PON2: variants seen among roughly 807,000 people sequenced by gnomAD.
PON2 encodes the protein serum paraoxonase/arylesterase 2.
Under a neutral mutation model 36.6 loss-of-function variants are expected in PON2, and 27 were observed. The observed-to-expected ratio is 0.74, with a 90% CI of 0.54 to 1.02. The LOEUF is 1.02. Ranked by LOEUF, PON2 falls within the 50% of genes least tolerant of loss-of-function variation. The pLI is 0.00. For synonymous variants in PON2, 149 were observed against 156.3 expected, an observed-to-expected ratio of 0.95 and a Z score of 0.35; for missense variants, 363 against 421.1, an observed-to-expected ratio of 0.86 and a Z score of 1.21.
chr7:95,406,943 A>G (rs1345982462), intron 7 of PON2, 44 bp downstream of exon 7: 2 of 1,195,368 alleles, frequency 1.7e-6, no homozygotes, highest in Admixed American at 3.8e-5. Flanking sequence ...TGTCATTGCA[A>G]AGCATAATAG....
intron 3 of PON2, chr7:95,412,980 A>G (rs1788971303): frequency 5.8e-6 from 1 of 173,330 alleles, no homozygotes; most frequent in Non-Finnish European, 1.2e-5. Context: ...AACACTTTTT[A>G]AATTACTACA....
intron 2 of PON2, among the ~76,000 whole-genome samples, chr7:95,421,940 A>G (rs1245134663): frequency 6.6e-6 from 1 of 152,224 alleles, no homozygotes; most frequent in Non-Finnish European, 1.5e-5. Flanking sequence ...GGTTACAACT[A>G]TGAGGTACTG....
intron 3 of PON2, among the ~76,000 whole-genome samples, chr7:95,415,500 T>C (rs1789040740): frequency 6.6e-6 from 1 of 152,144 alleles, no homozygotes; most frequent in Non-Finnish European, 1.5e-5. Context: ...AAGGGCAAGG[T>C]TGGTATAATA....
chr7:95,413,882 A>G (rs1788998222), intron 3 of PON2, among the ~76,000 whole-genome samples: 1 of 152,228 alleles, frequency 6.6e-6, no homozygotes, highest in African/African-American at 2.4e-5. Flanking sequence ...GAATTATGCT[A>G]TTGTTACATG....
chr7:95,431,485 T>C (rs145780022), intron 1 of PON2, among the ~76,000 whole-genome samples: 1,708 of 152,038 alleles, frequency 0.011, 31 homozygotes, highest in South Asian at 0.045. Context: ...AGTGGCTCAA[T>C]CTTGGCTCAC....
At chr7:95,417,075 A>G (rs1160151702) in intron 2 of PON2, among the ~76,000 whole-genome samples, 6 of 151,814 alleles carry the variant, frequency 4.0e-5, no homozygotes. Context: ...GAAAAGAAGA[A>G]TAAAAATGGC....
rs1789182385 is a variant in PON2, at chr7:95,421,094, T to C, written c.145+3421A>G. Among the ~76,000 whole-genome samples, 5 of 152,184 alleles carry C rather than the reference T, an allele frequency of 3.3e-5. No individual in the cohort carries two copies. The South Asian group carries it at 1.0e-3, about 32-fold the overall frequency. On this transcript the variant is annotated intron_variant, in intron 2 of 8. Coordinates refer to ENST00000222572, the MANE Select transcript of PON2 (RefSeq NM_000305.3). ...TGCCTTTTGAAGTGCCTCAGAGGCATTTAACACTTCACAAGAGGGGCCATA... is the reference window on the plus strand; with the variant it reads ...TGCCTTTTGAAGTGCCTCAGAGGCACTTAACACTTCACAAGAGGGGCCATA...
rs532969692 is a variant in PON2, at chr7:95,406,873, A to G, written c.777+114T>C. On this transcript the variant is annotated intron_variant, in intron 7 of 8. Coordinates refer to ENST00000222572, the MANE Select transcript of PON2 (RefSeq NM_000305.3). Reference sequence around the variant, plus strand: ...AGTTGTAGGGAGTATTTAAAAACCCAGAATAGCTACACTGGCATCCATATT... The same window carrying G: ...AGTTGTAGGGAGTATTTAAAAACCCGGAATAGCTACACTGGCATCCATATT... 7 of 658,532 alleles carry G rather than the reference A, an allele frequency of 1.1e-5. No homozygotes were observed. In the East Asian group the frequency reaches 1.9e-4, roughly 18 times the overall value. The allele number at this position is 658,532 out of a possible 1,614,324, so 40.8% of individuals were successfully genotyped here. A position where few individuals can be genotyped will look rare whatever the true frequency, so the allele number is the denominator to read the frequency against.
intron 1 of PON2, among the ~76,000 whole-genome samples, chr7:95,432,862 C>G (rs1193099668): frequency 6.6e-6 from 1 of 152,326 alleles, no homozygotes; most frequent in Non-Finnish European, 1.5e-5. Flanking sequence ...GAAACTACAA[C>G]CATGGGACAG....
chr7:95,417,726 C>CACACACACA (rs56020343), intron 2 of PON2, among the ~76,000 whole-genome samples: 1 of 148,396 alleles, frequency 6.7e-6, no homozygotes, highest in African/African-American at 2.5e-5. Context: ...CACACACACA[C>CACACACACA]CGAGAGAGAA....
chr7:95,416,202 A>T, intron 3 of PON2, 40 bp downstream of exon 3: 1 of 1,611,494 alleles, frequency 6.2e-7, no homozygotes, highest in African/African-American at 1.3e-5. Context: ...ATACCCTTGT[A>T]TCTCCTCTGC....
chr7:95,431,890 G>A (rs1038993822), intron 1 of PON2, among the ~76,000 whole-genome samples: 1 of 148,830 alleles, frequency 6.7e-6, no homozygotes, highest in Non-Finnish European at 1.5e-5. Context: ...TAAAAGTATG[G>A]TATAAGTATT....
chr7:95,407,045 AAT>A lies in PON2; in HGVS notation c.717_718del (p.Leu240GlyfsTer3). On this transcript the variant is annotated frameshift_variant, in exon 7 of 9. Transcript: ENST00000222572. LOFTEE classifies it high-confidence loss of function. Reference sequence around the variant, plus strand: ...TTCCAAAACATGAATTTCATGAGCCAATATGTCAGCAACATAGATATACCTTT... The same window carrying A: ...TTCCAAAACATGAATTTCATGAGCCAATGTCAGCAACATAGATATACCTTT... 1.9e-6 allele frequency: 3 copies of A among 1,597,650 alleles called. No homozygotes were observed. Among genetic ancestry groups the A allele is most frequent in the African/African-American group, 1.3e-5 (1 of 74,654 alleles).
rs17876167 is a variant in PON2 at position 95,406,257 on chromosome 7, G to T, written c.778-10C>A. 1.9e-6 allele frequency: 3 copies of T among 1,608,730 alleles called. No homozygotes were observed. The South Asian group carries it at 3.3e-5, about 18-fold the overall frequency. On this transcript the variant is annotated splice_polypyrimidine_tract_variant and intron_variant, in intron 7 of 8. Coordinates refer to ENST00000222572, the MANE Select transcript of PON2 (RefSeq NM_000305.3). ...TATCCAGCTCAAGTACCTTCCAAAT[G>T]AGAAATTGTCAAAATCTAAATGACA...
chr7:95,410,381 T>G (rs1282849405), intron 5 of PON2, among the ~76,000 whole-genome samples: 1 of 152,224 alleles, frequency 6.6e-6, no homozygotes, highest in African/African-American at 2.4e-5. Context: ...GGGCATGTTT[T>G]TTGACAGCAA....
intron 2 of PON2, among the ~76,000 whole-genome samples, chr7:95,418,789 C>A (rs1789128709): frequency 6.6e-6 from 1 of 152,082 alleles, no homozygotes; most frequent in African/African-American, 2.4e-5. Context: ...GTTTGTCACT[C>A]TTATTGTGTG....
rs17876126 is a variant in PON2, at chr7:95,415,627, C to T, written c.201+615G>A. ...TTAGTATTGAGTATCCACAGTAAGA[C>T]CTCAAATATCCCTCTTAATAGTGCA... On this transcript the variant is annotated intron_variant, in intron 3 of 8. Transcript: ENST00000222572. 9.1e-4 allele frequency among the ~76,000 whole-genome samples: 139 copies of T among 152,162 alleles called. 1 individual carries two copies. Among genetic ancestry groups the T allele is most frequent in the African/African-American group, 2.4e-3 (98 of 41,514 alleles).
rs1399580501 is a variant in PON2, at chr7:95,405,446, T to G, written c.949A>C (p.Thr317Pro). 26 of 1,613,538 alleles carry G rather than the reference T, an allele frequency of 1.6e-5. No individual in the cohort carries two copies. Among genetic ancestry groups the G allele is most frequent in the Non-Finnish European group, 2.1e-5 (25 of 1,179,618 alleles). Residue 317 changes from threonine to proline, a missense_variant, in exon 9 of 9, where the codon ACT (threonine) becomes CCT (proline). Coordinates refer to ENST00000222572, the MANE Select transcript of PON2 (RefSeq NM_000305.3). ...GACCCATTGTTGGCATAAACTGTAG[T>G]CACTGTAGGCTTCTCAGATAGAATG... Reference protein sequence around the residue: ...QNILSEKPTVTTVYANNGSVL... With the variant: ...QNILSEKPTVPTVYANNGSVL...
intron 2 of PON2, among the ~76,000 whole-genome samples, chr7:95,417,265 GTTGC>G (rs1308186897): frequency 4.6e-5 from 7 of 152,168 alleles, no homozygotes; most frequent in African/African-American, 1.7e-4. Context: ...TGCCTCCAGT[GTTGC>G]TTGCTCCATC....
Sources: gnomAD v4.1 joint callset for allele counts (sites outside exome capture counted in the v4.1 genomes callset) on GRCh38, gnomAD v4.1.1 for gene constraint, MANE v1.5 for transcripts, NCBI Gene and HGNC (gene_info 2026-07-23, HGNC 2026-07-21) for gene names.